Variants in MN1 observed in about 807,000 individuals in gnomAD.
MN1 encodes the protein MN1 proto-oncogene, transcriptional regulator.
A neutral mutation model predicts 86.9 loss-of-function variants in MN1; 19 were observed. The observed-to-expected ratio is 0.22, with a 90% confidence interval of 0.15 to 0.32. The LOEUF (loss-of-function observed/expected upper bound fraction) is 0.32, where lower values mean the gene tolerates loss of function less well. Among genes scored for constraint, MN1 ranks in the 10% least tolerant of loss-of-function variants. MN1 has a pLI of 1.00. For synonymous variants in MN1, 928 were observed against 849.6 expected (o/e 1.09, Z -1.60); for missense variants, 1,841 against 1,862.0 (o/e 0.99, Z 0.21).
chr22:27,781,295 C>G (rs1046286594), intron 1 of MN1, among the ~76,000 whole-genome samples: 1 of 152,198 alleles, frequency 6.6e-6, no homozygotes, highest in African/African-American at 2.4e-5. Flanking sequence ...AATCTTAGCG[C>G]TATTCACATT....
intron 1 of MN1, among the ~76,000 whole-genome samples, chr22:27,757,231 TG>T (rs1262995729): frequency 6.6e-6 from 1 of 151,446 alleles, no homozygotes; most frequent in African/African-American, 2.4e-5. Context: ...GATGGGGTCT[TG>T]CTATGTTGCC....
intron 1 of MN1, among the ~76,000 whole-genome samples, chr22:27,761,118 G>T (rs529655643): frequency 1.3e-5 from 2 of 152,170 alleles, no homozygotes; most frequent in East Asian, 3.9e-4. Context: ...AACATCATTG[G>T]CCAAAGTGAC....
At position 27,797,876 on chromosome 22, in the gene MN1, G is replaced by C; in HGVS notation, c.2668C>G (p.Pro890Ala). 2 of 1,592,030 alleles carry C rather than the reference G, an allele frequency of 1.3e-6. No individual in the cohort carries two copies. Among genetic ancestry groups the C allele is most frequent in the Non-Finnish European group, 1.7e-6 (2 of 1,170,106 alleles). The change falls in exon 1 of 2, where the codon CCC (proline) becomes GCC (alanine). Residue 890 changes from proline (P) to alanine (A), a missense_variant. By Grantham distance (27) the Pro-to-Ala change is conservative (BLOSUM62 -1). Transcript: ENST00000302326. ...PGGTAPGAPG[P>A]GGPSGTSSSG... ...CTACTGGTCCCGGACGGGCCTCCGG[G>C]TCCTGGGGCCCCAGGAGCAGTCCCT...
At chr22:27,794,937 T>C (rs887161930) in intron 1 of MN1, among the ~76,000 whole-genome samples, 3 of 148,720 alleles carry the variant, frequency 2.0e-5, no homozygotes, top group Non-Finnish European at 3.0e-5. Flanking sequence ...CCAGGCCAGG[T>C]AGAAGTGACA....
chr22:27,759,225 A>G (rs1932819352), intron 1 of MN1, among the ~76,000 whole-genome samples: 1 of 151,886 alleles, frequency 6.6e-6, no homozygotes, highest in South Asian at 2.1e-4. Flanking sequence ...CCACAGCCCA[A>G]CTAGAACCCG....
At chr22:27,788,031 C>T (rs1408223337) in intron 1 of MN1, among the ~76,000 whole-genome samples, 1 of 152,172 alleles carries the variant, frequency 6.6e-6, no homozygotes, top group Non-Finnish European at 1.5e-5. Flanking sequence ...TTGTGACGGC[C>T]GACACCAGCC....
chr22:27,783,712 C>G (rs986420013), intron 1 of MN1, among the ~76,000 whole-genome samples: 1 of 152,196 alleles, frequency 6.6e-6, no homozygotes, highest in Non-Finnish European at 1.5e-5. Context: ...AGGTCTTTCC[C>G]ATTCTAGAAT....
At chr22:27,777,894 GAAAGA>G (rs1366597284) in intron 1 of MN1, among the ~76,000 whole-genome samples, 1 of 151,442 alleles carries the variant, frequency 6.6e-6, no homozygotes, top group Admixed American at 6.6e-5. Context: ...AAAAAAGAAA[GAAAGA>G]AAAGAAAAAT....
intron 1 of MN1, among the ~76,000 whole-genome samples, chr22:27,781,372 C>T (rs1933051228): frequency 6.6e-6 from 1 of 152,192 alleles, no homozygotes; most frequent in Non-Finnish European, 1.5e-5. Context: ...GCATCCCTGG[C>T]CTCCACCCAT....
chr22:27,787,547 A>G (rs922458422), intron 1 of MN1, among the ~76,000 whole-genome samples: 1 of 152,066 alleles, frequency 6.6e-6, no homozygotes, highest in African/African-American at 2.4e-5. Context: ...CCATTCAGAG[A>G]AAGGAAAAAT....
Position 27,798,327 on chromosome 22 carries a change from C to G in MN1, c.2217G>C (p.Ala739=). ...ACGGAAAGCCCGGCTGGCCCCCGAG[C>G]GCAGACGTAGCAAAGTCCGGCGGCG... ...RPPPPDFATS[A]LGGQPGFPFG... is the part of the protein sequence containing the mutation. Residue 739 remains alanine (A), a synonymous_variant, in exon 1 of 2, where the codon GCG becomes GCC. Transcript: ENST00000302326. 6.6e-7 allele frequency: 1 copy of G among 1,518,394 alleles called. No homozygotes were observed. The highest frequency in any genetic ancestry group is 8.8e-7 in the Non-Finnish European group (1 of 1,141,858). 94.1% of individuals were successfully genotyped at this position (1,518,394 alleles called of 1,614,324 possible).
chr22:27,773,881 C>T (rs1399496963), intron 1 of MN1, among the ~76,000 whole-genome samples: 1 of 152,194 alleles, frequency 6.6e-6, no homozygotes, highest in Non-Finnish European at 1.5e-5. Context: ...TCTCAAACTC[C>T]TGAACTCAGG....
chr22:27,780,069 C>T (rs1301359382), intron 1 of MN1, among the ~76,000 whole-genome samples: 2 of 152,156 alleles, frequency 1.3e-5, no homozygotes, highest in Admixed American at 6.5e-5. Context: ...AAAGTTTCTG[C>T]CATCTCAGAA....
intron 1 of MN1, among the ~76,000 whole-genome samples, chr22:27,762,404 C>G (rs1932840788): frequency 6.6e-6 from 1 of 152,190 alleles, no homozygotes; most frequent in Admixed American, 6.5e-5. Flanking sequence ...GTGCTTAGCA[C>G]AGTGCCAGGG....
In MN1 at chr22:27,798,725, C is replaced by A. The variant is rs1568984979; in HGVS notation, c.1819G>T (p.Gly607Cys). The change falls in exon 1 of 2, where the codon GGC becomes TGC. Residue 607 changes from glycine (G) to cysteine (C), a missense_variant. Coordinates refer to ENST00000302326, the MANE Select transcript of MN1 (RefSeq NM_002430.3). ...AGACGCCCGGCGCCCGTGCTGCCGC[C>A]TTCGCGCTCAAAGTTCGGCTGGGCC... is the stretch of plus-strand genomic sequence containing the variant. ...GLAQPNFERE[G>C]GSTGAGRLGT... 1.3e-6 allele frequency: 2 copies of A among 1,535,636 alleles called. No individual in the cohort carries two copies. Among genetic ancestry groups the A allele is most frequent in the Non-Finnish European group, 1.7e-6 (2 of 1,146,884 alleles).
At chr22:27,753,837 T>C (rs1932785282) in intron 1 of MN1, among the ~76,000 whole-genome samples, 1 of 152,136 alleles carries the variant, frequency 6.6e-6, no homozygotes, top group Non-Finnish European at 1.5e-5. Context: ...ATGCTTGCCT[T>C]GTTCCCAGCG....
intron 1 of MN1, among the ~76,000 whole-genome samples, chr22:27,760,012 G>A (rs1490434920): frequency 6.6e-6 from 1 of 152,182 alleles, no homozygotes; most frequent in Non-Finnish European, 1.5e-5. Context: ...AAGGCCAGGA[G>A]TTCAAGACCA....
At position 27,797,451 on chromosome 22, in the gene MN1, C is replaced by G. The variant is rs1482499416; in HGVS notation, c.3093G>C (p.Gly1031=). The part of the protein sequence containing the change: ...QPDLIGSLDG[G]AKSDSSSPNV... Reference sequence around the variant, plus strand: ...TTGGCGAACTACTGTCCGACTTGGCCCCGCCGTCCAGGGACCCAATGAGGT... The same window carrying G: ...TTGGCGAACTACTGTCCGACTTGGCGCCGCCGTCCAGGGACCCAATGAGGT... The change falls in exon 1 of 2, where the codon GGG becomes GGC. Residue 1031 remains glycine, a synonymous_variant. Transcript: ENST00000302326. 16 of 1,604,732 alleles carry G rather than the reference C, an allele frequency of 1.0e-5. No individual in the cohort carries two copies. Among genetic ancestry groups the G allele is most frequent in the Non-Finnish European group, 1.3e-5 (15 of 1,175,832 alleles).
Position 27,800,213 on chromosome 22 carries a change from G to C in MN1, c.331C>G (p.His111Asp). The C allele has an allele frequency of 1.9e-6, 3 of 1,573,884 alleles. No homozygotes were observed. Among genetic ancestry groups the C allele is most frequent in the African/African-American group, 1.4e-5 (1 of 73,788 alleles). ...CCGAAGTTGCCCCCAAAGTGGGGGTGATGCTGGTGGGGATGATGACTTCCC... is the reference window on the plus strand; with the variant it reads ...CCGAAGTTGCCCCCAAAGTGGGGGTCATGCTGGTGGGGATGATGACTTCCC... Reference protein sequence around the residue: ...HPGSHHPHQHHPHFGGNFGGP... With the variant: ...HPGSHHPHQHDPHFGGNFGGP... Residue 111 changes from histidine (H) to aspartate (D), a missense_variant, in exon 1 of 2, where the codon CAC (histidine) becomes GAC (aspartate). Transcript: ENST00000302326.
Sources: allele counts gnomAD v4.1 joint callset (sites outside exome capture counted in the v4.1 genomes callset), GRCh38; gene constraint gnomAD v4.1.1; transcripts MANE v1.5; gene names NCBI Gene and HGNC (gene_info 2026-07-23, HGNC 2026-07-21).